Variants in PKHD1L1 observed in about 807,000 individuals in gnomAD.
PKHD1L1 encodes the protein fibrocystin-L.
In PKHD1L1, 434 loss-of-function variants were observed where a neutral mutation model predicts 462.9. The observed-to-expected ratio is 0.94, with a 90% CI of 0.87 to 1.02. PKHD1L1 has a LOEUF of 1.02. Among genes scored for constraint, PKHD1L1 ranks in the 50% least tolerant of loss-of-function variants. PKHD1L1 has a pLI of 0.00. For synonymous variants in PKHD1L1, 1,781 were observed against 1,750.0 expected (o/e 1.02, Z -0.44); for missense variants, 5,202 against 5,096.1 (o/e 1.02, Z -0.63).
intron 14 of PKHD1L1, among the ~76,000 whole-genome samples, chr8:109,403,600 G>A (rs1430652098): frequency 1.3e-5 from 2 of 152,070 alleles, no homozygotes; most frequent in East Asian, 3.8e-4. Context: ...TTTAATTAGT[G>A]TTGGTCATCT....
At chr8:109,416,534 C>T (rs1411760156) in intron 21 of PKHD1L1, among the ~76,000 whole-genome samples, 1 of 152,146 alleles carries the variant, frequency 6.6e-6, no homozygotes, top group Non-Finnish European at 1.5e-5. Context: ...CATGTTGCAT[C>T]CCCCAGTGCA....
chr8:109,408,293 A>G (rs571818530), intron 18 of PKHD1L1, 87 bp downstream of exon 18: 6 of 1,230,744 alleles, frequency 4.9e-6, no homozygotes, highest in Non-Finnish European at 5.5e-6. Flanking sequence ...TGGGAAAGAG[A>G]TGTTACTTCA....
rs1179080175 is a variant in PKHD1L1, at chr8:109,439,785, A to G, written c.3956+693A>G. Among the ~76,000 whole-genome samples the G allele has an allele frequency of 3.9e-5, 6 of 152,146 alleles. No individual in the cohort carries two copies. The East Asian group carries it at 1.2e-3, about 29-fold the overall frequency. On this transcript the variant is annotated intron_variant, in intron 32 of 77. Transcript: ENST00000378402. ...AGTTATTGGTTTGGAATACTTAGAAAAGGAAGATACTGAAATTTTATGGAT... is the reference window on the plus strand; with the variant it reads ...AGTTATTGGTTTGGAATACTTAGAAGAGGAAGATACTGAAATTTTATGGAT...
At chr8:109,472,041 A>G (rs1239771185) in intron 50 of PKHD1L1, among the ~76,000 whole-genome samples, 1 of 151,850 alleles carries the variant, frequency 6.6e-6, no homozygotes, top group Non-Finnish European at 1.5e-5. Context: ...ATTAATTAGG[A>G]ATTACTTTAT....
chr8:109,393,999 C>G (rs1030124394), intron 9 of PKHD1L1, among the ~76,000 whole-genome samples: 4 of 151,682 alleles, frequency 2.6e-5, no homozygotes, highest in African/African-American at 9.7e-5. Context: ...TAGTGAAACC[C>G]CGTCTCTACT....
Position 109,464,887 on chromosome 8 carries a change from T to G in PKHD1L1, c.8055T>G (p.Thr2685=). The part of the protein sequence containing the change: ...MVNNYEAGIE[T]KRILAPYVGG... ...ATAACTATGAGGCTGGAATTGAGAC[T>G]AAGAGGATCCTGGCTCCTTATGTTG... The change falls in exon 49 of 78, where the codon ACT becomes ACG. Residue 2685 remains threonine (T), a synonymous_variant. Transcript: ENST00000378402. 1 of 1,613,834 alleles carries G rather than the reference T, an allele frequency of 6.2e-7. No homozygotes were observed. The highest frequency in any genetic ancestry group is 8.5e-7 in the Non-Finnish European group (1 of 1,179,808).
chr8:109,374,938 T>C (rs1171015946), intron 2 of PKHD1L1, among the ~76,000 whole-genome samples: 1 of 152,240 alleles, frequency 6.6e-6, no homozygotes, highest in Non-Finnish European at 1.5e-5. Flanking sequence ...TTAACATTTT[T>C]TCCTTCATTT....
chr8:109,491,176 T>C, intron 61 of PKHD1L1, 75 bp downstream of exon 61: 1 of 1,367,084 alleles, frequency 7.3e-7, no homozygotes, highest in East Asian at 2.4e-5. Context: ...AGAGCTACAC[T>C]GCCCAATTGA....
At chr8:109,515,977 GATC>G (rs149846864) in intron 72 of PKHD1L1, among the ~76,000 whole-genome samples, 4,288 of 152,184 alleles carry the variant, frequency 0.028, 127 homozygotes, top group African/African-American at 0.073. Flanking sequence ...GTGTGTGGTA[GATC>G]ATAATATGAG....
At position 109,447,224 on chromosome 8, in the gene PKHD1L1, G is replaced by GAAAC. The variant is rs561404511; in HGVS notation, c.5777-895_5777-892dup. Among the ~76,000 whole-genome samples, 393 of 152,060 alleles carry GAAAC rather than the reference G, an allele frequency of 2.6e-3. 5 individuals are homozygous for GAAAC. Among genetic ancestry groups the GAAAC allele is most frequent in the African/African-American group, 8.0e-3 (332 of 41,486 alleles). ...GGCGACAGAGCGAGACTCCATCTCCGAAACAAACAAACAAACAAACAAACA... is the reference window on the plus strand; with the variant it reads ...GGCGACAGAGCGAGACTCCATCTCCGAAACAAACAAACAAACAAACAAACAAACA... On this transcript the variant is annotated intron_variant, in intron 38 of 77. Transcript: ENST00000378402.
intron 70 of PKHD1L1, among the ~76,000 whole-genome samples, chr8:109,510,185 G>A (rs888683586): frequency 1.3e-5 from 2 of 152,108 alleles, no homozygotes; most frequent in African/African-American, 4.8e-5. Flanking sequence ...TTAGACGAAT[G>A]TGTTTGTTGA....
In PKHD1L1 at chr8:109,443,109, T is replaced by C. The variant is rs2130748329; in HGVS notation, c.4557T>C (p.Tyr1519=). Residue 1519 remains tyrosine (Y), a synonymous_variant, in exon 36 of 78, where the codon TAT becomes TAC. Transcript: ENST00000378402. ...TTGTGGGTCGCTCTGAAGCCACATA[T>C]GCTTATGGTAAGATGGTTAAAGATG... is the stretch of plus-strand genomic sequence containing the variant. The part of the protein sequence containing the change: ...HLFVGRSEAT[Y]AYGGPENLHL... 2.5e-6 allele frequency: 4 copies of C among 1,613,194 alleles called. No homozygotes were observed. In the South Asian group the frequency reaches 4.4e-5, roughly 18 times the overall value.
chr8:109,382,309 A>G (rs571473812), intron 3 of PKHD1L1, among the ~76,000 whole-genome samples, 154 bp from the exon 4 acceptor site: 4 of 152,282 alleles, frequency 2.6e-5, no homozygotes, highest in East Asian at 3.9e-4. Flanking sequence ...TCATTTTTCC[A>G]TAATATAGAA....
Position 109,438,470 on chromosome 8 carries a change from C to T in PKHD1L1, c.3760+14C>T. ...GAACAATACTAGGTAAGAAATTCTTCAATAAGATTGGTCATTTGTCCTATG... is the reference window on the plus strand; with the variant it reads ...GAACAATACTAGGTAAGAAATTCTTTAATAAGATTGGTCATTTGTCCTATG... On this transcript the variant is annotated intron_variant, in intron 31 of 77. Coordinates refer to ENST00000378402, the MANE Select transcript of PKHD1L1 (RefSeq NM_177531.6). 6.5e-7 allele frequency: 1 copy of T among 1,527,996 alleles called. No homozygotes were observed. The highest frequency in any genetic ancestry group is 8.8e-7 in the Non-Finnish European group (1 of 1,136,120). The allele number at this position is 1,527,996 out of a possible 1,614,324, so 94.7% of individuals were successfully genotyped here.
At chr8:109,489,768 G>A (rs1352224565) in intron 59 of PKHD1L1, among the ~76,000 whole-genome samples, 184 bp from the exon 60 acceptor site, 2 of 151,830 alleles carry the variant, frequency 1.3e-5, no homozygotes, top group Non-Finnish European at 2.9e-5. Context: ...GAAAAAAAAT[G>A]TTGAAAAAGG....
intron 2 of PKHD1L1, among the ~76,000 whole-genome samples, chr8:109,375,961 A>G (rs1199708643): frequency 6.6e-6 from 1 of 152,176 alleles, no homozygotes; most frequent in African/African-American, 2.4e-5. Context: ...GACCCACTTG[A>G]GGAGGCAGTC....
intron 21 of PKHD1L1, among the ~76,000 whole-genome samples, chr8:109,417,120 A>G (rs1478729002): frequency 6.6e-6 from 1 of 152,132 alleles, no homozygotes; most frequent in African/African-American, 2.4e-5. Context: ...AAGAATGAAT[A>G]AGACCTAGTA....
chr8:109,479,100 A>C (rs1818141331), intron 53 of PKHD1L1, among the ~76,000 whole-genome samples: 1 of 152,198 alleles, frequency 6.6e-6, no homozygotes, highest in Admixed American at 6.6e-5. Context: ...CATATTTTCC[A>C]GTGGGAAAAT....
At chr8:109,447,051 C>T (rs1156533144) in intron 38 of PKHD1L1, among the ~76,000 whole-genome samples, 3 of 152,018 alleles carry the variant, frequency 2.0e-5, no homozygotes, top group Non-Finnish European at 2.9e-5. Context: ...TGGTGAACCC[C>T]GTCTCTACTA....
Sources: allele counts gnomAD v4.1 joint callset (sites outside exome capture counted in the v4.1 genomes callset), GRCh38; gene constraint gnomAD v4.1.1; transcripts MANE v1.5; gene names NCBI Gene and HGNC (gene_info 2026-07-23, HGNC 2026-07-21).